The following CNTN6 variants were observed in gnomAD, a reference collection of about 807,000 sequenced individuals.
CNTN6 encodes contactin-6.
Under a neutral mutation model 122.8 loss-of-function variants are expected in CNTN6, and 137 were observed. The observed-to-expected ratio is 1.12, with a 90% confidence interval of 0.97 to 1.29. The LOEUF is 1.29. Among genes scored for constraint, CNTN6 ranks in the 50% most tolerant of loss-of-function variants. The probability of loss-of-function intolerance (pLI) is 0.00; values close to 1 mark genes in which losing one functional copy is unlikely to be tolerated. For synonymous variants in CNTN6, 570 were observed against 426.0 expected (o/e 1.34, Z -4.16); for missense variants, 1,634 against 1,223.4 (o/e 1.34, Z -5.01).
At chr3:1,116,894 A>G (rs1019751632) in intron 1 of CNTN6, among the ~76,000 whole-genome samples, 1 of 151,892 alleles carries the variant, frequency 6.6e-6, no homozygotes, top group African/African-American at 2.4e-5. Context: ...TAGTAGAGAC[A>G]AGGTTTCGCC....
intron 20 of CNTN6, among the ~76,000 whole-genome samples, chr3:1,389,807 CAAAG>C (rs1693821839): frequency 2.0e-5 from 3 of 151,022 alleles, no homozygotes; most frequent in Admixed American, 1.3e-4. Context: ...TCAAAAGAGA[CAAAG>C]AAGGCCATTA....
At chr3:1,356,661 T>G (rs981079864) in intron 12 of CNTN6, among the ~76,000 whole-genome samples, 4 of 151,828 alleles carry the variant, frequency 2.6e-5, no homozygotes, top group Non-Finnish European at 4.4e-5. Flanking sequence ...TCGTAGTACT[T>G]GAAAACACCA....
intron 11 of CNTN6, among the ~76,000 whole-genome samples, chr3:1,338,586 A>G (rs1703434730): frequency 1.3e-5 from 2 of 152,142 alleles, no homozygotes; most frequent in Non-Finnish European, 2.9e-5. Context: ...TGTTGAAGAG[A>G]TATAAATCCT....
intron 7 of CNTN6, among the ~76,000 whole-genome samples, chr3:1,317,850 G>T (rs1355619111): frequency 2.0e-5 from 3 of 150,564 alleles, no homozygotes; most frequent in Non-Finnish European, 4.4e-5. Flanking sequence ...AATGAGATGG[G>T]GAGGATTGGG....
intron 2 of CNTN6, among the ~76,000 whole-genome samples, chr3:1,206,988 T>C (rs377299036): frequency 2.6e-5 from 4 of 152,104 alleles, no homozygotes; most frequent in African/African-American, 9.7e-5. Flanking sequence ...TTTGGGGTCT[T>C]TGTTTGTTTG....
rs534431735 is a variant in CNTN6, at chr3:1,369,833, G to A, written c.1493-2466G>A. ...TCTCTAGTTCTAAAAAATTTTCTTG[G>A]ATCCCTGGATATCTTTTTTTTTTTT... On this transcript the variant is annotated intron_variant, in intron 12 of 22. Transcript: ENST00000446702. Among the ~76,000 whole-genome samples, 40 of 151,132 alleles carry A rather than the reference G, an allele frequency of 2.6e-4. 3 individuals carry two copies. In the South Asian group the frequency reaches 7.5e-3, roughly 28 times the overall value.
At chr3:1,204,507 AATAC>A (rs1311155785) in intron 2 of CNTN6, among the ~76,000 whole-genome samples, 3 of 152,234 alleles carry the variant, frequency 2.0e-5, no homozygotes, top group African/African-American at 7.2e-5. Context: ...TCCAAACTGA[AATAC>A]ATACATACAA....
rs71619483 is a variant in CNTN6, at chr3:1,280,459, ATTTTTT to A, written c.454+1969_454+1974del. ...GTAATGGCAAACTTGTGTAATACCA[ATTTTTT>A]TTTTTTTTTTTTTTTTTGTGATAGC... On this transcript the variant is annotated intron_variant, in intron 5 of 22. Transcript: ENST00000446702. 4.2e-3 allele frequency among the ~76,000 whole-genome samples: 280 copies of A among 66,620 alleles called. 13 individuals are homozygous for A. In the Middle Eastern group the frequency reaches 0.058, roughly 14 times the overall value. The allele number at this position is 66,620 out of a possible 152,430, so 43.7% of individuals were successfully genotyped here.
intron 4 of CNTN6, among the ~76,000 whole-genome samples, chr3:1,268,790 G>A (rs1161633157): frequency 1.3e-5 from 2 of 151,704 alleles, no homozygotes; most frequent in African/African-American, 4.8e-5. Flanking sequence ...TACATCATCC[G>A]ACACTGAGAT....
Position 1,383,187 on chromosome 3 carries a change from C to T in CNTN6, c.2401+11C>T. On this transcript the variant is annotated intron_variant, in intron 18 of 22. Coordinates refer to ENST00000446702, the MANE Select transcript of CNTN6 (RefSeq NM_001289080.2). ...ACTCTGGGGAAGATGGTAAGTTGTC[C>T]TCAACTCTGGTTTTCTTTGAGACTC... The T allele has an allele frequency of 6.2e-7, 1 of 1,608,528 alleles. No homozygotes were observed. Among genetic ancestry groups the T allele is most frequent in the Non-Finnish European group, 8.5e-7 (1 of 1,175,134 alleles).
chr3:1,327,691 C>A, intron 10 of CNTN6, 105 bp downstream of exon 10: 1 of 1,140,540 alleles, frequency 8.8e-7, no homozygotes, highest in Non-Finnish European at 1.2e-6. Context: ...AATTGCTGTC[C>A]CATCAAATAA....
Position 1,403,414 on chromosome 3 carries a change from T to G in CNTN6, c.3083T>G (p.Ile1028Ser). 6.9e-6 allele frequency: 11 copies of G among 1,587,664 alleles called. No homozygotes were observed. The highest frequency in any genetic ancestry group is 9.5e-6 in the Non-Finnish European group (11 of 1,157,152). The change falls in exon 23 of 23, where the codon ATC (isoleucine) becomes AGC (serine). Residue 1028 changes from isoleucine (I) to serine (S), a missense_variant. Coordinates refer to ENST00000446702, the MANE Select transcript of CNTN6 (RefSeq NM_001289080.2). The part of the protein sequence containing the change: ...IFHCFAIQPL[I>S] ...CACTGTTTTGCTATTCAGCCACTTA[T>G]CTGATGAATAAAACCATAAATCTTT...
intron 5 of CNTN6, among the ~76,000 whole-genome samples, chr3:1,290,100 C>G (rs1439672386): frequency 6.6e-6 from 1 of 152,192 alleles, no homozygotes; most frequent in Non-Finnish European, 1.5e-5. Context: ...ATCACAGAGT[C>G]TGAGGGTGGA....
intron 1 of CNTN6, among the ~76,000 whole-genome samples, chr3:1,113,166 G>A (rs1237228997): frequency 1.3e-5 from 2 of 152,112 alleles, no homozygotes; most frequent in Non-Finnish European, 2.9e-5. Flanking sequence ...GCATGGCTGT[G>A]GTAGAAGTAA....
At chr3:1,277,665 A>G (rs1384170040) in intron 4 of CNTN6, among the ~76,000 whole-genome samples, 1 of 152,136 alleles carries the variant, frequency 6.6e-6, no homozygotes, top group Non-Finnish European at 1.5e-5. Context: ...CCAGATTAGT[A>G]GGTTAATTCA....
chr3:1,158,027 G>A (rs1559419315), intron 2 of CNTN6, among the ~76,000 whole-genome samples: 1 of 152,142 alleles, frequency 6.6e-6, no homozygotes, highest in Non-Finnish European at 1.5e-5. Context: ...TGGGATTGCT[G>A]GATCATATGG....
intron 12 of CNTN6, 124 bp from the exon 13 acceptor site, chr3:1,372,175 A>G (rs566071379): frequency 1.7e-6 from 1 of 596,486 alleles, no homozygotes; most frequent in African/African-American, 1.9e-5. Context: ...CATACTGGAC[A>G]TTGTAGAACT....
chr3:1,292,334 T>G (rs890013678), intron 5 of CNTN6, among the ~76,000 whole-genome samples: 1 of 152,182 alleles, frequency 6.6e-6, no homozygotes, highest in Non-Finnish European at 1.5e-5. Flanking sequence ...ATCAAAGTTT[T>G]ATCACTATGT....
intron 20 of CNTN6, among the ~76,000 whole-genome samples, chr3:1,399,487 T>C (rs958200512): frequency 7.9e-5 from 12 of 152,118 alleles, no homozygotes; most frequent in South Asian, 6.2e-4. Context: ...ATTATGGGTT[T>C]ATATTGTCAA....
Sources: gnomAD v4.1 joint callset for allele counts (sites outside exome capture counted in the v4.1 genomes callset) on GRCh38, gnomAD v4.1.1 for gene constraint, MANE v1.5 for transcripts, NCBI Gene and HGNC (gene_info 2026-07-23, HGNC 2026-07-21) for gene names.